Variants in SNTG1 observed in about 807,000 individuals in gnomAD.
SNTG1 encodes the protein gamma-1-syntrophin.
A neutral mutation model predicts 74.7 loss-of-function variants in SNTG1; 39 were observed. That is an observed-to-expected ratio of 0.52 (90% CI 0.40 to 0.68). The LOEUF is 0.68. Ranked by LOEUF, SNTG1 falls within the 30% of genes least tolerant of loss-of-function variation. The probability of loss-of-function intolerance (pLI) is 0.00; values close to 1 mark genes in which losing one functional copy is unlikely to be tolerated. For missense variants in SNTG1, 685 were observed against 609.5 expected, an observed-to-expected ratio of 1.12 and a Z score of -1.30; for synonymous variants, 254 against 217.1, an observed-to-expected ratio of 1.17 and a Z score of -1.49.
intron 1 of SNTG1, among the ~76,000 whole-genome samples, chr8:50,039,111 A>T (rs1818403151): frequency 6.6e-6 from 1 of 152,144 alleles, no homozygotes; most frequent in South Asian, 2.1e-4. Context: ...CATTTATCTT[A>T]GTCTCCACCT....
At chr8:50,631,729 T>G (rs2094999075) in intron 13 of SNTG1, among the ~76,000 whole-genome samples, 1 of 152,224 alleles carries the variant, frequency 6.6e-6, no homozygotes, top group Admixed American at 6.5e-5. Flanking sequence ...TTCATCCTCC[T>G]TGATACATAA....
At chr8:50,218,493 A>G (rs1207056458) in intron 2 of SNTG1, among the ~76,000 whole-genome samples, 1 of 151,948 alleles carries the variant, frequency 6.6e-6, no homozygotes, top group African/African-American at 2.4e-5. Context: ...AAAAATAACT[A>G]TTTTTCTTAA....
At chr8:50,353,498 A>G (rs1256479019) in intron 2 of SNTG1, among the ~76,000 whole-genome samples, 1 of 152,184 alleles carries the variant, frequency 6.6e-6, no homozygotes, top group African/African-American at 2.4e-5. Flanking sequence ...TCACAAATGC[A>G]GAACTCACCA....
At chr8:50,427,798 T>C (rs1200791422) in intron 4 of SNTG1, among the ~76,000 whole-genome samples, 4 of 152,228 alleles carry the variant, frequency 2.6e-5, no homozygotes, top group African/African-American at 9.6e-5. Context: ...TTCTATATTA[T>C]GCCAAGAGGC....
chr8:50,280,245 T>C (rs557222843), intron 2 of SNTG1, among the ~76,000 whole-genome samples: 12 of 152,334 alleles, frequency 7.9e-5, no homozygotes, highest in South Asian at 2.1e-4. Flanking sequence ...TGAAGAGGCA[T>C]TTCTATGGAA....
Position 50,394,227 on chromosome 8 carries a change from G to C in SNTG1, c.-12G>C, listed in dbSNP as rs777080224. On this transcript the variant is annotated 5_prime_UTR_variant, in exon 3 of 19. Coordinates refer to ENST00000642720, the MANE Select transcript of SNTG1 (RefSeq NM_018967.5). ...GTCTTTTCAGACGACATCCTTTGTGGTGCCACAGCACATGGATTTCAGAAC... is the reference window on the plus strand; with the variant it reads ...GTCTTTTCAGACGACATCCTTTGTGCTGCCACAGCACATGGATTTCAGAAC... 1.6e-5 allele frequency: 25 copies of C among 1,612,494 alleles called. No homozygotes were observed. Among genetic ancestry groups the C allele is most frequent in the Non-Finnish European group, 1.9e-5 (22 of 1,179,166 alleles).
chr8:50,079,032 T>G (rs1021812022), intron 1 of SNTG1, among the ~76,000 whole-genome samples: 3 of 152,226 alleles, frequency 2.0e-5, no homozygotes, highest in African/African-American at 7.2e-5. Flanking sequence ...TGTGCATGTG[T>G]CTTTATAGTA....
intron 15 of SNTG1, among the ~76,000 whole-genome samples, chr8:50,703,829 T>A (rs748482739): frequency 6.6e-6 from 1 of 152,108 alleles, no homozygotes; most frequent in Non-Finnish European, 1.5e-5. Flanking sequence ...CTTATAACCT[T>A]ATAGGATCAC....
intron 2 of SNTG1, among the ~76,000 whole-genome samples, chr8:50,317,998 G>A (rs1392581257): frequency 6.6e-6 from 1 of 152,000 alleles, no homozygotes; most frequent in African/African-American, 2.4e-5. Flanking sequence ...CACCACGCCC[G>A]GCTAATTTTT....
chr8:50,743,863 A>C (rs1206022424), intron 17 of SNTG1, among the ~76,000 whole-genome samples: 1 of 152,004 alleles, frequency 6.6e-6, no homozygotes, highest in Admixed American at 6.6e-5. Context: ...TACAGGAAGC[A>C]CGGTGCTGGC....
intron 8 of SNTG1, among the ~76,000 whole-genome samples, chr8:50,498,931 T>C (rs1228353721): frequency 6.6e-6 from 1 of 151,752 alleles, no homozygotes; most frequent in Non-Finnish European, 1.5e-5. Flanking sequence ...TATATTATAT[T>C]AATTATATTA....
intron 1 of SNTG1, among the ~76,000 whole-genome samples, chr8:50,141,849 G>A (rs931393610): frequency 6.6e-6 from 1 of 151,890 alleles, no homozygotes; most frequent in African/African-American, 2.4e-5. Context: ...GCATAATTAT[G>A]TATATTTATA....
chr8:50,370,037 T>C (rs79040554), intron 2 of SNTG1, among the ~76,000 whole-genome samples: 7,651 of 152,178 alleles, frequency 0.05, 254 homozygotes, highest in Non-Finnish European at 0.071. Flanking sequence ...TAATCAACCA[T>C]TTATAAGAAG....
At chr8:50,661,185 AG>A (rs2095221343) in intron 15 of SNTG1, among the ~76,000 whole-genome samples, 1 of 152,190 alleles carries the variant, frequency 6.6e-6, no homozygotes, top group Admixed American at 6.5e-5. Context: ...GCATTTTATT[AG>A]GTGATATGAT....
intron 5 of SNTG1, among the ~76,000 whole-genome samples, chr8:50,444,764 A>AG (rs1554528649): frequency 1.4e-5 from 2 of 140,240 alleles, no homozygotes; most frequent in Non-Finnish European, 1.5e-5. Flanking sequence ...AAAAAAAAAA[A>AG]AAAGAAAGAG....
chr8:49,954,203 A>G (rs978264422), intron 1 of SNTG1, among the ~76,000 whole-genome samples: 1 of 152,204 alleles, frequency 6.6e-6, no homozygotes, highest in Non-Finnish European at 1.5e-5. Context: ...ACTACCAGAG[A>G]GAGAATCACA....
At chr8:49,963,393 T>C (rs1810868320) in intron 1 of SNTG1, among the ~76,000 whole-genome samples, 1 of 152,256 alleles carries the variant, frequency 6.6e-6, no homozygotes, top group Non-Finnish European at 1.5e-5. Flanking sequence ...GGTTTATGTC[T>C]TGGGCTTTCA....
chr8:50,363,094 A>G (rs2092006539), intron 2 of SNTG1, among the ~76,000 whole-genome samples: 1 of 152,194 alleles, frequency 6.6e-6, no homozygotes, highest in African/African-American at 2.4e-5. Context: ...TTAAGGCTAA[A>G]TAATGGTCTT....
chr8:50,121,722 T>A (rs2081003154), intron 1 of SNTG1, among the ~76,000 whole-genome samples: 1 of 141,324 alleles, frequency 7.1e-6, no homozygotes. Context: ...TAAGCCAAAC[T>A]TGGTGGCTCA....
Sources: allele counts gnomAD v4.1 joint callset (sites outside exome capture counted in the v4.1 genomes callset), GRCh38; gene constraint gnomAD v4.1.1; transcripts MANE v1.5; gene names NCBI Gene and HGNC (gene_info 2026-07-23, HGNC 2026-07-21).